Variants in RNGTT observed in about 807,000 individuals in gnomAD.
RNGTT encodes the protein RNA guanylyltransferase and 5'-phosphatase.
A neutral mutation model predicts 79.3 loss-of-function variants in RNGTT; 33 were observed. The ratio of observed to expected loss-of-function variants is 0.42; its 90% CI spans 0.32 to 0.56. RNGTT has a LOEUF of 0.56. Ranked by LOEUF, RNGTT falls within the 20% of genes least tolerant of loss-of-function variation. RNGTT has a pLI of 0.17. For synonymous variants in RNGTT, 222 were observed against 235.9 expected, an observed-to-expected ratio of 0.94 and a Z score of 0.54; for missense variants, 497 against 739.1, an observed-to-expected ratio of 0.67 and a Z score of 3.80.
At position 88,844,444 on chromosome 6, in the gene RNGTT, T is replaced by C. The variant is rs1013805139; in HGVS notation, c.1182A>G (p.Glu394=). ...IEREIISPRH[E]KMKTGLIDKT... is the part of the protein sequence containing the mutation. Reference sequence around the variant, plus strand: ...TGTCAATGAGCCCAGTCTTCATTTTTTCGTGTCGAGGACTTATAATTTCTC... The same window carrying C: ...TGTCAATGAGCCCAGTCTTCATTTTCTCGTGTCGAGGACTTATAATTTCTC... The change falls in exon 11 of 16, where the codon GAA becomes GAG. Residue 394 remains glutamate, a synonymous_variant. Coordinates refer to ENST00000369485, the MANE Select transcript of RNGTT (RefSeq NM_003800.5). 5 of 1,614,106 alleles carry C rather than the reference T, an allele frequency of 3.1e-6. No homozygotes were observed. The highest frequency in any genetic ancestry group is 4.2e-6 in the Non-Finnish European group (5 of 1,179,964).
chr6:88,637,622 T>A (rs531432589), intron 14 of RNGTT, among the ~76,000 whole-genome samples: 1 of 152,144 alleles, frequency 6.6e-6, no homozygotes, highest in East Asian at 1.9e-4. Context: ...GAACACCCTA[T>A]GGTTTTAGTT....
intron 12 of RNGTT, among the ~76,000 whole-genome samples, chr6:88,795,287 T>A (rs558930339): frequency 1.2e-4 from 18 of 152,268 alleles, no homozygotes; most frequent in Non-Finnish European, 2.2e-4. Flanking sequence ...TTCAACACTA[T>A]CAACATAGAG....
intron 12 of RNGTT, among the ~76,000 whole-genome samples, chr6:88,774,960 T>C (rs182675500): frequency 8.5e-4 from 129 of 152,302 alleles, no homozygotes; most frequent in African/African-American, 2.9e-3. Context: ...AAACAAAAGC[T>C]TTGTAAATAA....
At chr6:88,664,929 G>A (rs1286906201) in intron 14 of RNGTT, among the ~76,000 whole-genome samples, 1 of 152,126 alleles carries the variant, frequency 6.6e-6, no homozygotes, top group Non-Finnish European at 1.5e-5. Flanking sequence ...GATATAATTG[G>A]AGCAACAGGA....
chr6:88,848,982 TAAG>T (rs1781578441), intron 10 of RNGTT, among the ~76,000 whole-genome samples: 1 of 151,982 alleles, frequency 6.6e-6, no homozygotes, highest in South Asian at 2.1e-4. Context: ...AGTACTCAGC[TAAG>T]AAGTGAGAGT....
chr6:88,857,709 C>T (rs1781884908), intron 8 of RNGTT, among the ~76,000 whole-genome samples: 1 of 152,002 alleles, frequency 6.6e-6, no homozygotes, highest in African/African-American at 2.4e-5. Context: ...AACCAGAATA[C>T]ATTAAATAAT....
intron 8 of RNGTT, among the ~76,000 whole-genome samples, chr6:88,879,388 C>A (rs540422825): frequency 6.6e-6 from 1 of 152,006 alleles, no homozygotes; most frequent in Non-Finnish European, 1.5e-5. Context: ...AGTGAGACTC[C>A]GTCTCTACAT....
chr6:88,900,841 A>T (rs373676803), intron 6 of RNGTT, among the ~76,000 whole-genome samples: 137 of 136,432 alleles, frequency 1.0e-3, no homozygotes, highest in Middle Eastern at 4.2e-3. Flanking sequence ...AACAGTTTTT[A>T]AAAAAAAAAA....
chr6:88,949,178 A>AAAAAAAAAAAAAAAAAAT (rs1785156409), intron 1 of RNGTT, among the ~76,000 whole-genome samples: 1 of 127,858 alleles, frequency 7.8e-6, no homozygotes, highest in Non-Finnish European at 1.6e-5. Flanking sequence ...AAAAAAAAAA[A>AAAAAAAAAAAAAAAAAAT]GAAAATGAAA....
chr6:88,698,268 TG>T (rs746453830), intron 13 of RNGTT, among the ~76,000 whole-genome samples: 4,854 of 119,506 alleles, frequency 0.041, 509 homozygotes, highest in South Asian at 0.066. Context: ...TAAATATATA[TG>T]ATATATATAT....
intron 8 of RNGTT, among the ~76,000 whole-genome samples, chr6:88,875,327 C>T (rs895062170): frequency 6.6e-6 from 1 of 151,920 alleles, no homozygotes; most frequent in Non-Finnish European, 1.5e-5. Flanking sequence ...AGAAACCAAA[C>T]ATCCAACTCT....
intron 13 of RNGTT, among the ~76,000 whole-genome samples, chr6:88,690,900 A>G (rs1202454628): frequency 1.3e-5 from 2 of 152,164 alleles, no homozygotes; most frequent in Non-Finnish European, 2.9e-5. Context: ...ATGTTTGACT[A>G]TTACTGGTAA....
intron 12 of RNGTT, among the ~76,000 whole-genome samples, chr6:88,772,358 A>G (rs973023597): frequency 1.3e-5 from 2 of 152,194 alleles, no homozygotes; most frequent in African/African-American, 4.8e-5. Flanking sequence ...TCCCAGAACA[A>G]TCTACAGATT....
rs1397934897 is a variant in RNGTT at position 88,933,094 on chromosome 6, A to G, written c.175-3827T>C. Among the ~76,000 whole-genome samples, 4 of 151,402 alleles carry G rather than the reference A, an allele frequency of 2.6e-5. No homozygotes were observed. The South Asian group carries it at 6.3e-4, about 24-fold the overall frequency. ...TCTTTCCCCCTTGGGTCCCCACAGG[A>G]AAAAAAAAGGCAAGAGAAACAATCT... On this transcript the variant is annotated intron_variant, in intron 2 of 15. Transcript: ENST00000369485.
chr6:88,687,333 T>C (rs1357262987), intron 13 of RNGTT, among the ~76,000 whole-genome samples: 2 of 152,130 alleles, frequency 1.3e-5, no homozygotes, highest in Admixed American at 6.6e-5. Context: ...TATACTACTA[T>C]TGGAAATGCA....
intron 12 of RNGTT, among the ~76,000 whole-genome samples, chr6:88,784,887 A>C (rs906389894): frequency 1.3e-5 from 2 of 152,148 alleles, no homozygotes; most frequent in African/African-American, 2.4e-5. Flanking sequence ...CTTTTTAAAA[A>C]AGTGGAATGA....
chr6:88,737,206 T>C (rs750861577), intron 13 of RNGTT, among the ~76,000 whole-genome samples: 1 of 152,240 alleles, frequency 6.6e-6, no homozygotes. Flanking sequence ...CAGGGTGGTA[T>C]GGCCATAGAC....
At chr6:88,791,786 G>A (rs565096922) in intron 12 of RNGTT, among the ~76,000 whole-genome samples, 30 of 152,196 alleles carry the variant, frequency 2.0e-4, no homozygotes, top group Non-Finnish European at 4.1e-4. Flanking sequence ...TGATCCGCCC[G>A]CCTTGGCCTC....
intron 12 of RNGTT, among the ~76,000 whole-genome samples, chr6:88,778,579 C>T (rs1778966104): frequency 6.6e-6 from 1 of 152,164 alleles, no homozygotes; most frequent in African/African-American, 2.4e-5. Flanking sequence ...CAGCCTTGAA[C>T]TCCTGAGTTT....
Sources: allele counts gnomAD v4.1 joint callset (sites outside exome capture counted in the v4.1 genomes callset), GRCh38; gene constraint gnomAD v4.1.1; transcripts MANE v1.5; gene names NCBI Gene and HGNC (gene_info 2026-07-23, HGNC 2026-07-21).